The following PDE4B variants were observed in gnomAD, a reference collection of about 807,000 sequenced individuals.
PDE4B encodes phosphodiesterase 4B, also known as 3',5'-cyclic-AMP phosphodiesterase 4B.
In PDE4B, 20 loss-of-function variants were observed where a neutral mutation model predicts 82.2. That is an observed-to-expected ratio of 0.24 (90% confidence interval 0.17 to 0.35). The LOEUF (loss-of-function observed/expected upper bound fraction) is 0.35, where lower values mean the gene tolerates loss of function less well. Ranked by LOEUF, PDE4B falls within the 10% of genes least tolerant of loss-of-function variation. The pLI is 1.00. For synonymous variants in PDE4B, 320 were observed against 318.9 expected (o/e 1.00, Z -0.04); for missense variants, 655 against 907.2 (o/e 0.72, Z 3.57).
At chr1:65,915,399 T>A (rs1647147990) in intron 2 of PDE4B, among the ~76,000 whole-genome samples, 1 of 152,190 alleles carries the variant, frequency 6.6e-6, no homozygotes, top group Non-Finnish European at 1.5e-5. Context: ...CATTTCTGAT[T>A]TCATAAGACT....
chr1:65,980,942 A>G (rs1481764000), intron 3 of PDE4B, among the ~76,000 whole-genome samples: 3 of 152,186 alleles, frequency 2.0e-5, no homozygotes, highest in Non-Finnish European at 4.4e-5. Flanking sequence ...AATAAAAGAA[A>G]TTTATTGGCT....
At chr1:66,268,710 A>G (rs1283029962) in intron 7 of PDE4B, among the ~76,000 whole-genome samples, 1 of 151,774 alleles carries the variant, frequency 6.6e-6, no homozygotes, top group Non-Finnish European at 1.5e-5. Flanking sequence ...AAGAAAATAA[A>G]GAAAGAAATA....
intron 3 of PDE4B, among the ~76,000 whole-genome samples, chr1:66,072,392 G>C (rs35633234): frequency 0.22 from 32,880 of 151,946 alleles, 4,080 homozygotes; most frequent in Middle Eastern, 0.35. Flanking sequence ...CACCCATGTT[G>C]CTAACATTTT....
intron 4 of PDE4B, among the ~76,000 whole-genome samples, chr1:66,256,174 TCAAAA>T (rs1654211215): frequency 6.6e-6 from 1 of 152,118 alleles, no homozygotes. Context: ...AGACCCTGTC[TCAAAA>T]CAAAACAAAA....
At chr1:66,152,586 ATATG>A (rs1043845029) in intron 3 of PDE4B, 77 of 235,710 alleles carry the variant, frequency 3.3e-4, no homozygotes, top group Admixed American at 1.1e-3. Flanking sequence ...GTGTGCATAT[ATATG>A]TGTGTGTGTG....
intron 3 of PDE4B, chr1:66,152,417 G>C: frequency 4.6e-6 from 1 of 219,044 alleles, no homozygotes; most frequent in East Asian, 9.2e-5. Context: ...AGGCAGGGTG[G>C]CAGCACTGGC....
intron 16 of PDE4B, among the ~76,000 whole-genome samples, chr1:66,369,388 A>G (rs1182792960): frequency 6.6e-6 from 1 of 152,178 alleles, no homozygotes; most frequent in East Asian, 1.9e-4. Context: ...CACGGTGACC[A>G]TCACCAGAGG....
intron 6 of PDE4B, among the ~76,000 whole-genome samples, chr1:66,263,045 C>T (rs58925684): frequency 6.6e-6 from 1 of 152,188 alleles, no homozygotes; most frequent in African/African-American, 2.4e-5. Flanking sequence ...CATTATTAAT[C>T]CAGTGCGTAT....
chr1:66,202,856 T>C (rs1296437455), intron 3 of PDE4B, among the ~76,000 whole-genome samples: 3 of 151,924 alleles, frequency 2.0e-5, no homozygotes, highest in Non-Finnish European at 4.4e-5. Context: ...CATTTAAAGT[T>C]AATATTGTTA....
chr1:65,844,967 T>C, intron 1 of PDE4B, among the ~76,000 whole-genome samples: 1 of 152,204 alleles, frequency 6.6e-6, no homozygotes, highest in Admixed American at 6.6e-5. Context: ...GTTTGACATA[T>C]GAAGTGATAA....
At chr1:66,289,318 G>A (rs1656903447) in intron 7 of PDE4B, among the ~76,000 whole-genome samples, 1 of 152,092 alleles carries the variant, frequency 6.6e-6, no homozygotes, top group South Asian at 2.1e-4. Context: ...GACCAGGAGG[G>A]AGAGACAGAC....
chr1:66,270,603 G>C (rs1181567031), intron 7 of PDE4B, among the ~76,000 whole-genome samples: 1 of 152,188 alleles, frequency 6.6e-6, no homozygotes, highest in Non-Finnish European at 1.5e-5. Context: ...GAGCAGTGCT[G>C]CATCAGATGA....
intron 8 of PDE4B, chr1:66,354,933 T>G (rs1662119357): frequency 2.6e-6 from 4 of 1,515,836 alleles, no homozygotes; most frequent in Admixed American, 2.0e-5. Context: ...TTTGATAAAA[T>G]GTGAAACGTA....
At chr1:65,956,473 A>T (rs1208213049) in intron 3 of PDE4B, among the ~76,000 whole-genome samples, 2 of 152,120 alleles carry the variant, frequency 1.3e-5, no homozygotes, top group Non-Finnish European at 2.9e-5. Flanking sequence ...ATACATACAC[A>T]CACATAGTAT....
intron 3 of PDE4B, among the ~76,000 whole-genome samples, chr1:66,213,177 A>C (rs1650199586): frequency 6.6e-6 from 1 of 152,166 alleles, no homozygotes; most frequent in Non-Finnish European, 1.5e-5. Context: ...AGCTGTAGGA[A>C]TCTCCTGGAG....
intron 3 of PDE4B, among the ~76,000 whole-genome samples, chr1:66,052,402 G>T (rs1184315450): frequency 2.0e-5 from 3 of 152,010 alleles, no homozygotes; most frequent in Non-Finnish European, 4.4e-5. Flanking sequence ...ATAATGATAG[G>T]GTTTCAGGAG....
intron 6 of PDE4B, among the ~76,000 whole-genome samples, chr1:66,259,660 G>C (rs1357276340): frequency 6.6e-6 from 1 of 152,154 alleles, no homozygotes; most frequent in Non-Finnish European, 1.5e-5. Flanking sequence ...CCACTAGACT[G>C]TGTGCCCTTT....
intron 3 of PDE4B, among the ~76,000 whole-genome samples, chr1:66,066,822 T>G (rs1291109758): frequency 1.3e-5 from 2 of 151,984 alleles, no homozygotes; most frequent in African/African-American, 2.4e-5. Flanking sequence ...CTCAGACTTC[T>G]AACTAGCGAT....
chr1:66,215,307 G>A (rs1322997148), intron 3 of PDE4B, among the ~76,000 whole-genome samples: 1 of 152,052 alleles, frequency 6.6e-6, no homozygotes, highest in Admixed American at 6.6e-5. Flanking sequence ...TTTCTAAGAT[G>A]GTTCATAGGT....
Sources: gnomAD v4.1 joint callset for allele counts (sites outside exome capture counted in the v4.1 genomes callset) on GRCh38, gnomAD v4.1.1 for gene constraint, MANE v1.5 for transcripts, NCBI Gene and HGNC (gene_info 2026-07-23, HGNC 2026-07-21) for gene names.